NUP35: variants seen among roughly 807,000 people sequenced by gnomAD.
NUP35 encodes nucleoporin 35, also known as nucleoporin NUP35.
In NUP35, 25 loss-of-function variants were observed where a neutral mutation model predicts 41.5. The observed-to-expected ratio is 0.60, with a 90% CI of 0.44 to 0.84. The LOEUF is 0.84. Among genes scored for constraint, NUP35 ranks in the 40% least tolerant of loss-of-function variants. The probability of loss-of-function intolerance (pLI) is 0.00; values close to 1 mark genes in which losing one functional copy is unlikely to be tolerated. For missense variants in NUP35, 396 were observed against 396.6 expected (o/e 1.00, Z 0.01); for synonymous variants, 149 against 130.7 (o/e 1.14, Z -0.96).
intron 2 of NUP35, among the ~76,000 whole-genome samples, chr2:183,128,970 C>T (rs1374592731): frequency 6.6e-6 from 1 of 152,080 alleles, no homozygotes; most frequent in Non-Finnish European, 1.5e-5. Flanking sequence ...TGACACAATG[C>T]TAAGATGCCA....
chr2:183,141,258 A>G (rs1685086572), intron 4 of NUP35, among the ~76,000 whole-genome samples: 1 of 152,104 alleles, frequency 6.6e-6, no homozygotes, highest in African/African-American at 2.4e-5. Context: ...CCCTCTTGTA[A>G]GGATACTTGT....
chr2:183,158,563 A>G (rs1685758078), intron 7 of NUP35, 152 bp downstream of exon 7: 1 of 587,056 alleles, frequency 1.7e-6, no homozygotes, highest in Non-Finnish European at 2.7e-6. Flanking sequence ...CTTTGTGGTA[A>G]GCCGAAGGTA....
chr2:183,151,945 T>C (rs568480967), intron 5 of NUP35, among the ~76,000 whole-genome samples: 44 of 152,170 alleles, frequency 2.9e-4, no homozygotes, highest in Non-Finnish European at 5.1e-4. Context: ...TTTTAAATCA[T>C]TTGTCTGTTT....
rs774106282 is a variant in NUP35, at chr2:183,161,248, TAGAA to T, written c.*122_*125del. 6.5e-6 allele frequency: 4 copies of T among 615,560 alleles called. No individual in the cohort carries two copies. The highest frequency in any genetic ancestry group is 8.4e-6 in the Non-Finnish European group (3 of 356,148). 38.1% of individuals were successfully genotyped at this position (615,560 alleles called of 1,614,324 possible). ...TTGGATAGCTATCTCATACTTCTTT[TAGAA>T]AGAAGCCTTTTTCATTAAGGATACA... On this transcript the variant is annotated 3_prime_UTR_variant, in exon 9 of 9. Transcript: ENST00000295119.
upstream of NUP35, among the ~76,000 whole-genome samples, chr2:183,119,842 C>T (rs530284040): frequency 1.3e-5 from 2 of 152,180 alleles, no homozygotes; most frequent in South Asian, 2.1e-4. Flanking sequence ...CATGCCACCC[C>T]ACCCTGGGAT....
chr2:183,131,069 T>G (rs1471013135), intron 3 of NUP35: 15 of 455,810 alleles, frequency 3.3e-5, no homozygotes, highest in Middle Eastern at 6.8e-4. Context: ...AGCCTTGAAC[T>G]CCTGGGTTCA....
In NUP35 at chr2:183,125,228, A is replaced by G. The variant is rs374104183; in HGVS notation, c.40+731A>G. Among the ~76,000 whole-genome samples the G allele has an allele frequency of 2.7e-5, 4 of 150,708 alleles. No individual in the cohort carries two copies. In the East Asian group the frequency reaches 5.8e-4, roughly 22 times the overall value. ...ATTATTCATTGCGGAGCCTCGTTGA[A>G]ATATGTCGTCTTTGAAAAAAATCTA... is the stretch of plus-strand genomic sequence containing the variant. On this transcript the variant is annotated intron_variant, in intron 1 of 8. Transcript: ENST00000295119.
At chr2:183,136,142 T>G (rs1184547225) in intron 4 of NUP35, among the ~76,000 whole-genome samples, 1 of 152,210 alleles carries the variant, frequency 6.6e-6, no homozygotes, top group Non-Finnish European at 1.5e-5. Context: ...CTCAGAATTC[T>G]TCCAGCCTCT....
chr2:183,160,351 T>G (rs1685829135), intron 8 of NUP35: 1 of 152,216 alleles, frequency 6.6e-6, no homozygotes, highest in African/African-American at 2.4e-5. Flanking sequence ...TACTGTTATT[T>G]TAAATTTCCC....
At chr2:183,154,268 C>T (rs1208212206) in intron 5 of NUP35, among the ~76,000 whole-genome samples, 1 of 152,216 alleles carries the variant, frequency 6.6e-6, no homozygotes, top group African/African-American at 2.4e-5. Flanking sequence ...TAACATTAGG[C>T]TCCTTTCTAG....
At chr2:183,146,981 T>C (rs1419350924) in intron 4 of NUP35, among the ~76,000 whole-genome samples, 1 of 152,188 alleles carries the variant, frequency 6.6e-6, no homozygotes, top group African/African-American at 2.4e-5. Context: ...TCTCTGTTGA[T>C]TAGTGACATT....
chr2:183,155,237 G>C (rs1344803910), intron 5 of NUP35, among the ~76,000 whole-genome samples: 2 of 152,212 alleles, frequency 1.3e-5, no homozygotes, highest in Non-Finnish European at 2.9e-5. Context: ...CTTGAAGGAA[G>C]AAAGGTGCAT....
At chr2:183,124,816 G>A (rs1189337725) in intron 1 of NUP35, among the ~76,000 whole-genome samples, 1 of 152,210 alleles carries the variant, frequency 6.6e-6, no homozygotes, top group Non-Finnish European at 1.5e-5. Context: ...TGATACCCGA[G>A]ACGCGATGCT....
At chr2:183,149,340 A>G (rs1685386050) in intron 4 of NUP35, among the ~76,000 whole-genome samples, 1 of 152,256 alleles carries the variant, frequency 6.6e-6, no homozygotes, top group Non-Finnish European at 1.5e-5. Flanking sequence ...CTCATTTAAA[A>G]ATAAAGCTAT....
At chr2:183,138,245 C>CTATATATATATATATATATATATATATA (rs1208421272) in intron 4 of NUP35, among the ~76,000 whole-genome samples, 1 of 112,682 alleles carries the variant, frequency 8.9e-6, no homozygotes, top group African/African-American at 3.7e-5. Flanking sequence ...TCATTTAGAG[C>CTATATATATATATATATATATATATATA]TATATATATA....
chr2:183,147,243 T>G (rs1559151746), intron 4 of NUP35, among the ~76,000 whole-genome samples: 1 of 152,222 alleles, frequency 6.6e-6, no homozygotes, highest in Non-Finnish European at 1.5e-5. Context: ...TTGTTGTATT[T>G]GCTTTTGCGA....
intron 2 of NUP35, among the ~76,000 whole-genome samples, 154 bp from the exon 3 acceptor site, chr2:183,130,264 A>G (rs1304643248): frequency 6.6e-6 from 1 of 152,192 alleles, no homozygotes; most frequent in African/African-American, 2.4e-5. Context: ...CAGAGTCTGA[A>G]TTTTAACAAG....
chr2:183,157,523 A>G lies in NUP35; in HGVS notation c.609+10A>G, dbSNP rs1399520100. The G allele has an allele frequency of 1.3e-6, 2 of 1,577,032 alleles. No individual in the cohort carries two copies. The highest frequency in any genetic ancestry group is 3.4e-5 in the Admixed American group (2 of 59,696). On this transcript the variant is annotated intron_variant, in intron 6 of 8. Coordinates refer to ENST00000295119, the MANE Select transcript of NUP35 (RefSeq NM_138285.5). The stretch of plus-strand genomic sequence containing the variant: ...TATCTTAAAACATGTGGTAAGGCTT[A>G]ATTTTTTTCAGTTCAGAGTTTTGAC...
chr2:183,117,623 A>C (rs1168107426), exon 1 of NUP35: 1 of 152,198 alleles, frequency 6.6e-6, no homozygotes, highest in East Asian at 1.9e-4. Context: ...AAGTCTTACT[A>C]AAGGTGGAAA....
Sources: allele counts gnomAD v4.1 joint callset (sites outside exome capture counted in the v4.1 genomes callset), GRCh38; gene constraint gnomAD v4.1.1; transcripts MANE v1.5; gene names NCBI Gene and HGNC (gene_info 2026-07-23, HGNC 2026-07-21).